Variants in CCDC85C observed in about 807,000 individuals in gnomAD.
CCDC85C encodes coiled-coil domain-containing protein 85C.
A neutral mutation model predicts 38.3 loss-of-function variants in CCDC85C; 18 were observed. The ratio of observed to expected loss-of-function variants is 0.47; its 90% CI spans 0.33 to 0.70. The LOEUF (loss-of-function observed/expected upper bound fraction) is 0.70. CCDC85C is among the 30% of genes least tolerant of loss of function. The pLI, the probability that CCDC85C is intolerant of heterozygous loss-of-function variation, is 0.03. For missense variants in CCDC85C, 566 were observed against 621.2 expected, an observed-to-expected ratio of 0.91 and a Z score of 0.94; for synonymous variants, 264 against 293.8, an observed-to-expected ratio of 0.90 and a Z score of 1.04.
At position 99,515,206 on chromosome 14, in the gene CCDC85C, A is replaced by T; in HGVS notation, c.*40T>A. 6.8e-7 allele frequency: 1 copy of T among 1,473,974 alleles called. No individual in the cohort carries two copies. The highest frequency in any genetic ancestry group is 9.2e-7 in the Non-Finnish European group (1 of 1,081,992). 91.3% of individuals were successfully genotyped at this position (1,473,974 alleles called of 1,614,324 possible). On this transcript the variant is annotated 3_prime_UTR_variant, in exon 6 of 6. Coordinates refer to ENST00000380243, the MANE Select transcript of CCDC85C (RefSeq NM_001144995.2). ...CTGGGGCCTGAAACTCCCCCTGGGGACCCCCAGCAGGGCCAGTCCACGTCC... is the reference window on the plus strand; with the variant it reads ...CTGGGGCCTGAAACTCCCCCTGGGGTCCCCCAGCAGGGCCAGTCCACGTCC...
intron 1 of CCDC85C, among the ~76,000 whole-genome samples, chr14:99,537,719 C>T (rs1007931349): frequency 1.1e-4 from 16 of 152,194 alleles, no homozygotes; most frequent in African/African-American, 3.9e-4. Flanking sequence ...TCAGGGTGAC[C>T]TCAGAGCCTC....
chr14:99,574,195 C>T (rs1029942586), intron 1 of CCDC85C, among the ~76,000 whole-genome samples: 3 of 152,300 alleles, frequency 2.0e-5, no homozygotes, highest in Non-Finnish European at 2.9e-5. Context: ...CAGCTGTGCT[C>T]TCTGACCCGC....
chr14:99,595,555 C>T (rs2055134287), intron 1 of CCDC85C, among the ~76,000 whole-genome samples: 1 of 152,192 alleles, frequency 6.6e-6, no homozygotes, highest in African/African-American at 2.4e-5. Flanking sequence ...TCTGCTTTTA[C>T]TAACTCCATC....
intron 1 of CCDC85C, among the ~76,000 whole-genome samples, chr14:99,587,957 G>T (rs546201647): frequency 6.6e-6 from 1 of 152,178 alleles, no homozygotes; most frequent in Non-Finnish European, 1.5e-5. Flanking sequence ...CCCTGTTCTC[G>T]TGGAGAACGT....
chr14:99,509,309 A>G lies in CCDC85C; in HGVS notation c.*5937T>C, dbSNP rs1897055080. ...TGGCTACCTGTGGTGGGGTGTTGCGATGTCATTTTCCAGTGGTCTGACGGT... is the reference window on the plus strand; with the variant it reads ...TGGCTACCTGTGGTGGGGTGTTGCGGTGTCATTTTCCAGTGGTCTGACGGT... On this transcript the variant is annotated 3_prime_UTR_variant, in exon 6 of 6. Coordinates refer to ENST00000380243, the MANE Select transcript of CCDC85C (RefSeq NM_001144995.2). The G allele has an allele frequency of 6.6e-6, 1 of 152,196 alleles. No homozygotes were observed. 9.4% of individuals were successfully genotyped at this position (152,196 alleles called of 1,614,324 possible). A position where few individuals can be genotyped will look rare whatever the true frequency, so the allele number is the denominator to read the frequency against.
intron 2 of CCDC85C, among the ~76,000 whole-genome samples, chr14:99,531,804 G>A (rs753156257): frequency 4.0e-4 from 61 of 152,152 alleles, no homozygotes; most frequent in African/African-American, 1.4e-3. Flanking sequence ...AGAATCTCAC[G>A]AGCCAGAGTC....
chr14:99,566,994 C>T (rs1898228096), intron 1 of CCDC85C, among the ~76,000 whole-genome samples: 1 of 152,230 alleles, frequency 6.6e-6, no homozygotes, highest in Non-Finnish European at 1.5e-5. Flanking sequence ...AGCGCTCCAG[C>T]CTCAAGAGGG....
intron 1 of CCDC85C, among the ~76,000 whole-genome samples, chr14:99,602,027 C>T (rs995329729): frequency 1.3e-5 from 2 of 151,982 alleles, no homozygotes; most frequent in Non-Finnish European, 2.9e-5. Flanking sequence ...TTATTGCAGG[C>T]TTAGACACAC....
At chr14:99,529,224 A>G (rs1897447361) in intron 2 of CCDC85C, among the ~76,000 whole-genome samples, 1 of 152,056 alleles carries the variant, frequency 6.6e-6, no homozygotes, top group African/African-American at 2.4e-5. Context: ...TGTATGTGCC[A>G]TTCAGGGTAA....
intron 1 of CCDC85C, among the ~76,000 whole-genome samples, chr14:99,566,602 T>C (rs1898220154): frequency 6.6e-6 from 1 of 152,150 alleles, no homozygotes. Flanking sequence ...CCTGGCCCCA[T>C]GAACTCTGCA....
At chr14:99,541,587 C>T (rs902297431) in intron 1 of CCDC85C, among the ~76,000 whole-genome samples, 6 of 152,126 alleles carry the variant, frequency 3.9e-5, no homozygotes, top group Non-Finnish European at 5.9e-5. Context: ...TCCACTCTGC[C>T]GGTGAGCTCT....
Position 99,512,120 on chromosome 14 carries a change from C to T in CCDC85C, c.*3126G>A, listed in dbSNP as rs2139890814. On this transcript the variant is annotated 3_prime_UTR_variant, in exon 6 of 6. Coordinates refer to ENST00000380243, the MANE Select transcript of CCDC85C (RefSeq NM_001144995.2). ...TGTTACTCCTTTTACTAAAATAGTTCAAATCAATGTTTTTACCACACTATC... is the reference window on the plus strand; with the variant it reads ...TGTTACTCCTTTTACTAAAATAGTTTAAATCAATGTTTTTACCACACTATC... 1 of 152,320 alleles carries T rather than the reference C, an allele frequency of 6.6e-6. No homozygotes were observed. Among genetic ancestry groups the T allele is most frequent in the African/African-American group, 2.4e-5 (1 of 41,568 alleles). 9.4% of individuals were successfully genotyped at this position (152,320 alleles called of 1,614,324 possible). A position where few individuals can be genotyped will look rare whatever the true frequency, so the allele number is the denominator to read the frequency against.
At position 99,603,296 on chromosome 14, in the gene CCDC85C, G is replaced by A; in HGVS notation, c.664C>T (p.His222Tyr). The A allele has an allele frequency of 1.5e-6, 2 of 1,362,108 alleles. No homozygotes were observed. The highest frequency in any genetic ancestry group is 1.9e-6 in the Non-Finnish European group (2 of 1,061,106). 84.4% of individuals were successfully genotyped at this position (1,362,108 alleles called of 1,614,324 possible). Residue 222 changes from histidine to tyrosine, a missense_variant, in exon 1 of 6, where the codon CAC becomes TAC. Physicochemically the swap from His to Tyr is moderately conservative, Grantham distance 83 (BLOSUM62 2). Coordinates refer to ENST00000380243, the MANE Select transcript of CCDC85C (RefSeq NM_001144995.2). This position sits in a 1 kb window ranked among gnomAD's most constrained non-coding sequence, Gnocchi z 7.5. ...GGGGGCAGCAGCGGGGGTGGGACGT[G>A]GTGGTGGTGGTCGGGGCTGCCGCCG... ...GSGGSPDHHH[H>Y]VPPPLLPPGP...
At chr14:99,560,073 C>A (rs2895808) in intron 1 of CCDC85C, among the ~76,000 whole-genome samples, 1 of 152,034 alleles carries the variant, frequency 6.6e-6, no homozygotes, top group African/African-American at 2.4e-5. Context: ...GTGTTCTTTC[C>A]CTCCTTGTAG....
intron 2 of CCDC85C, among the ~76,000 whole-genome samples, chr14:99,534,467 G>A (rs1897553554): frequency 6.6e-6 from 1 of 152,122 alleles, no homozygotes; most frequent in Admixed American, 6.5e-5. Context: ...TCCAGATCAG[G>A]GCAGACGCGT....
Position 99,502,970 on chromosome 14 carries a change from G to T in CCDC85C, c.*12276C>A, listed in dbSNP as rs771462544. On this transcript the variant is annotated 3_prime_UTR_variant, in exon 6 of 6. Transcript: ENST00000380243. ...TCCGCAGCCCAGTTCTCCCCGACAGGTTAAGCGAGCCGTGGTGAGTGGGCT... is the reference window on the plus strand; with the variant it reads ...TCCGCAGCCCAGTTCTCCCCGACAGTTTAAGCGAGCCGTGGTGAGTGGGCT... 1.4e-4 allele frequency: 218 copies of T among 1,613,876 alleles called. No homozygotes were observed. Among genetic ancestry groups the T allele is most frequent in the Non-Finnish European group, 1.8e-4 (210 of 1,179,912 alleles).
At chr14:99,556,832 C>T (rs1898019389) in intron 1 of CCDC85C, among the ~76,000 whole-genome samples, 1 of 151,910 alleles carries the variant, frequency 6.6e-6, no homozygotes, top group Admixed American at 6.6e-5. Flanking sequence ...CCGCTGAAGT[C>T]CTTTTTCTTA....
rs2068307880 is a variant in CCDC85C at position 99,501,709 on chromosome 14, T to C, written c.*13537A>G. The C allele has an allele frequency of 2.8e-6, 1 of 355,110 alleles. No individual in the cohort carries two copies. The highest frequency in any genetic ancestry group is 2.1e-5 in the African/African-American group (1 of 47,046). The allele number at this position is 355,110 out of a possible 1,614,324, so 22.0% of individuals were successfully genotyped here. A position where few individuals can be genotyped will look rare whatever the true frequency, so the allele number is the denominator to read the frequency against. On this transcript the variant is annotated 3_prime_UTR_variant, in exon 6 of 6. Transcript: ENST00000380243. ...TTGAAAACTAATTACTTAGAGCCCA[T>C]TTGGTTTTGCAAAAATATACTTCCT...
chr14:99,556,355 A>C (rs1898010918), intron 1 of CCDC85C, among the ~76,000 whole-genome samples: 1 of 152,218 alleles, frequency 6.6e-6, no homozygotes, highest in African/African-American at 2.4e-5. Flanking sequence ...TTGAGGTTGC[A>C]GTGAACTATG....
Sources: allele counts gnomAD v4.1 joint callset (sites outside exome capture counted in the v4.1 genomes callset), GRCh38; gene constraint gnomAD v4.1.1; non-coding constraint Gnocchi (gnomAD v3.1); transcripts MANE v1.5; gene names NCBI Gene and HGNC (gene_info 2026-07-23, HGNC 2026-07-21).